PTCHD4: variants seen among roughly 807,000 people sequenced by gnomAD.
PTCHD4 encodes patched domain-containing protein 4.
PTCHD4 carries 33 observed loss-of-function variants against 58.1 expected under a neutral mutation model. The ratio of observed to expected loss-of-function variants is 0.57; its 90% CI spans 0.43 to 0.76. The LOEUF is 0.76. Among genes scored for constraint, PTCHD4 ranks in the 30% least tolerant of loss-of-function variants. The pLI is 0.00. For missense variants in PTCHD4, 1,058 were observed against 1,027.1 expected (o/e 1.03, Z -0.41); for synonymous variants, 478 against 409.6 (o/e 1.17, Z -2.02).
chr6:48,095,917 G>T (rs1299577572), intron 1 of PTCHD4, among the ~76,000 whole-genome samples: 2 of 151,850 alleles, frequency 1.3e-5, no homozygotes, highest in Non-Finnish European at 2.9e-5. Flanking sequence ...TAAATAATGA[G>T]AATTAAAACA....
At chr6:47,909,155 A>G (rs1281731425) in intron 4 of PTCHD4, among the ~76,000 whole-genome samples, 3 of 152,158 alleles carry the variant, frequency 2.0e-5, no homozygotes, top group African/African-American at 7.2e-5. Flanking sequence ...TCTAGAAGGG[A>G]ACTGTAATCC....
intron 3 of PTCHD4, among the ~76,000 whole-genome samples, chr6:48,055,101 A>C (rs1030841697): frequency 1.3e-5 from 2 of 152,188 alleles, no homozygotes; most frequent in Non-Finnish European, 2.9e-5. Flanking sequence ...TTATGTAAAA[A>C]ATTTTAAAGA....
intron 1 of PTCHD4, among the ~76,000 whole-genome samples, chr6:48,097,123 T>A (rs1184697064): frequency 1.3e-5 from 2 of 152,120 alleles, no homozygotes; most frequent in Non-Finnish European, 2.9e-5. Flanking sequence ...CTTAGAAAAC[T>A]ATTGACTAAA....
intron 4 of PTCHD4, among the ~76,000 whole-genome samples, chr6:47,898,603 A>G (rs949657692): frequency 2.6e-5 from 4 of 152,304 alleles, no homozygotes; most frequent in African/African-American, 7.2e-5. Context: ...GATTCTTGTA[A>G]ATAAAGTAAA....
At position 47,882,741 on chromosome 6, in the gene PTCHD4, G is replaced by GATATATATATATATATATATATAT. The variant is rs1554149146; in HGVS notation, c.899-2806_899-2805insATATATATATATATATATATATAT. ...TGAATCCATTTCTAATGATTCCAGT[G>GATATATATATATATATATATATAT]ATATATATATATATATTCCTTAAAT... On this transcript the variant is annotated intron_variant, in intron 4 of 4. Coordinates refer to ENST00000339488, the MANE Select transcript of PTCHD4 (RefSeq NM_001384253.1). Among the ~76,000 whole-genome samples the GATATATATATATATATATATATAT allele has an allele frequency of 8.2e-3, 840 of 102,290 alleles. 12 individuals carry two copies. Among genetic ancestry groups the GATATATATATATATATATATATAT allele is most frequent in the Middle Eastern group, 0.015 (3 of 194 alleles). The allele number at this position is 102,290 out of a possible 152,430, so 67.1% of individuals were successfully genotyped here. A position where few individuals can be genotyped will look rare whatever the true frequency, so the allele number is the denominator to read the frequency against.
At chr6:48,054,716 T>A (rs867689334) in intron 3 of PTCHD4, among the ~76,000 whole-genome samples, 2 of 152,050 alleles carry the variant, frequency 1.3e-5, no homozygotes, top group East Asian at 1.9e-4. Flanking sequence ...GATAAAAAAA[T>A]AAAAATAAAT....
chr6:48,032,562 A>C (rs1763486480), intron 3 of PTCHD4, among the ~76,000 whole-genome samples: 1 of 152,132 alleles, frequency 6.6e-6, no homozygotes. Flanking sequence ...AATTATAAAA[A>C]TGAGCTCTTA....
intron 4 of PTCHD4, among the ~76,000 whole-genome samples, chr6:47,886,236 C>CT (rs1437887487): frequency 1.3e-5 from 2 of 151,312 alleles, no homozygotes; most frequent in African/African-American, 4.9e-5. Context: ...AAAGAAAATA[C>CT]TTTTAACGAG....
intron 3 of PTCHD4, among the ~76,000 whole-genome samples, chr6:48,049,299 CA>C (rs1283932168): frequency 1.3e-5 from 2 of 148,616 alleles, no homozygotes; most frequent in Non-Finnish European, 3.0e-5. Flanking sequence ...CAAATAGTGC[CA>C]AGGTCAAGAA....
At chr6:47,886,933 T>C (rs1419563708) in intron 4 of PTCHD4, among the ~76,000 whole-genome samples, 5 of 152,212 alleles carry the variant, frequency 3.3e-5, no homozygotes, top group Admixed American at 3.3e-4. Flanking sequence ...CAAATCACAG[T>C]ACTTACTATA....
intron 4 of PTCHD4, among the ~76,000 whole-genome samples, chr6:47,989,271 G>A (rs931965790): frequency 1.3e-5 from 2 of 152,162 alleles, no homozygotes; most frequent in Non-Finnish European, 2.9e-5. Flanking sequence ...AGTTTTATAA[G>A]GGAAGCAGAG....
rs575699422 is a variant in PTCHD4, at chr6:48,034,998, A to G, written c.418-25884T>C. 3.9e-5 allele frequency among the ~76,000 whole-genome samples: 6 copies of G among 152,274 alleles called. No homozygotes were observed. In the East Asian group the frequency reaches 7.7e-4, roughly 20 times the overall value. ...AAGAAGGGGCGGGGACATATTTCTC[A>G]TAAGAGTTGAACCATTTCATCCTGA... On this transcript the variant is annotated intron_variant, in intron 3 of 4. Transcript: ENST00000339488.
chr6:48,030,050 C>T (rs1263736554), intron 3 of PTCHD4, among the ~76,000 whole-genome samples: 2 of 151,846 alleles, frequency 1.3e-5, no homozygotes, highest in Non-Finnish European at 2.9e-5. Context: ...GCTTCCTATC[C>T]TTGAGAGGAT....
At chr6:47,923,287 C>T (rs562008105) in intron 4 of PTCHD4, among the ~76,000 whole-genome samples, 14 of 152,184 alleles carry the variant, frequency 9.2e-5, no homozygotes, top group Non-Finnish European at 1.8e-4. Context: ...TCTTTACAGG[C>T]TTTCTTTTTT....
chr6:47,982,943 A>C (rs567078873), intron 4 of PTCHD4, among the ~76,000 whole-genome samples: 3 of 152,340 alleles, frequency 2.0e-5, no homozygotes, highest in African/African-American at 7.2e-5. Flanking sequence ...GTGTATACCA[A>C]GATAAATAAC....
At chr6:47,988,067 G>A (rs1297234891) in intron 4 of PTCHD4, among the ~76,000 whole-genome samples, 2 of 152,122 alleles carry the variant, frequency 1.3e-5, no homozygotes, top group Admixed American at 1.3e-4. Flanking sequence ...GTGAGCCACT[G>A]TGCCTGACCC....
At chr6:48,038,258 C>T (rs1763715820) in intron 3 of PTCHD4, among the ~76,000 whole-genome samples, 3 of 151,992 alleles carry the variant, frequency 2.0e-5, no homozygotes, top group Admixed American at 1.3e-4. Context: ...GACTGAGCTG[C>T]CTATGGTGAT....
chr6:47,923,522 G>A (rs1765499644), intron 4 of PTCHD4, among the ~76,000 whole-genome samples: 2 of 152,166 alleles, frequency 1.3e-5, no homozygotes, highest in African/African-American at 4.8e-5. Flanking sequence ...CCAACCAGAT[G>A]TCTTTAAGGT....
rs1364178034 is a variant in PTCHD4, at chr6:47,865,344, T to C, written c.*12959A>G. On this transcript the variant is annotated 3_prime_UTR_variant, in exon 5 of 5. Coordinates refer to ENST00000339488, the MANE Select transcript of PTCHD4 (RefSeq NM_001384253.1). ...CAAGTTAGATATGCAGAAAACCAAA[T>C]CAACTGTTCTGTAAAGATAAAGCAA... Among the ~76,000 whole-genome samples, 1 of 151,906 alleles carries C rather than the reference T, an allele frequency of 6.6e-6. No individual in the cohort carries two copies. Among genetic ancestry groups the C allele is most frequent in the Non-Finnish European group, 1.5e-5 (1 of 67,904 alleles).
Sources: gnomAD v4.1 joint callset for allele counts (sites outside exome capture counted in the v4.1 genomes callset) on GRCh38, gnomAD v4.1.1 for gene constraint, MANE v1.5 for transcripts, NCBI Gene and HGNC (gene_info 2026-07-23, HGNC 2026-07-21) for gene names.